Variants in ALG5 observed in about 807,000 individuals in gnomAD.
ALG5 encodes the protein dolichyl-phosphate beta-glucosyltransferase.
ALG5 carries 26 observed loss-of-function variants against 51.8 expected under a neutral mutation model. The observed-to-expected ratio is 0.50, with a 90% CI of 0.37 to 0.70. The LOEUF is 0.70. Among genes scored for constraint, ALG5 ranks in the 30% least tolerant of loss-of-function variants. The pLI, the probability that ALG5 is intolerant of heterozygous loss-of-function variation, is 0.00. For missense variants in ALG5, 311 were observed against 399.3 expected (o/e 0.78, Z 1.88); for synonymous variants, 141 against 136.1 (o/e 1.04, Z -0.25).
chr13:36,996,537 T>C (rs985741629), intron 1 of ALG5, among the ~76,000 whole-genome samples: 2 of 152,096 alleles, frequency 1.3e-5, no homozygotes, highest in African/African-American at 4.8e-5. Context: ...CAGTGGCCTA[T>C]GATGCAAGAA....
At chr13:36,971,406 G>A (rs1159024357) in intron 7 of ALG5, among the ~76,000 whole-genome samples, 1 of 152,082 alleles carries the variant, frequency 6.6e-6, no homozygotes, top group Non-Finnish European at 1.5e-5. Context: ...TAGTACTTTG[G>A]GAGGCTGAGG....
chr13:36,963,191 T>C (rs926097387), intron 8 of ALG5, among the ~76,000 whole-genome samples: 36 of 152,130 alleles, frequency 2.4e-4, no homozygotes, highest in Non-Finnish European at 4.4e-4. Flanking sequence ...CCTCAAGTGA[T>C]CCTCCCCACC....
chr13:36,971,958 C>A lies in ALG5; in HGVS notation c.621+19G>T, dbSNP rs775477289. The stretch of plus-strand genomic sequence containing the variant: ...AAGCCAATTAATTGGCTGTCCCATG[C>A]CAATTAATGAAGTCTCACCTGAGCA... On this transcript the variant is annotated intron_variant, in intron 7 of 9. Transcript: ENST00000239891. The A allele has an allele frequency of 8.2e-6, 13 of 1,590,842 alleles. No homozygotes were observed. Among genetic ancestry groups the A allele is most frequent in the Admixed American group, 5.1e-5 (3 of 58,314 alleles).
intron 8 of ALG5, among the ~76,000 whole-genome samples, chr13:36,961,800 G>C (rs1045320611): frequency 6.6e-6 from 1 of 151,150 alleles, no homozygotes; most frequent in African/African-American, 2.4e-5. Context: ...GTCTTTTTTT[G>C]AGACAGAGTT....
At chr13:36,962,791 G>A (rs992270171) in intron 8 of ALG5, among the ~76,000 whole-genome samples, 9 of 152,182 alleles carry the variant, frequency 5.9e-5, no homozygotes, top group African/African-American at 1.9e-4. Flanking sequence ...TGAGGATACT[G>A]AGCACTTGAA....
intron 1 of ALG5, 58 bp downstream of exon 1, chr13:36,999,177 G>T: frequency 7.0e-7 from 1 of 1,419,356 alleles, no homozygotes; most frequent in Non-Finnish European, 9.4e-7. Flanking sequence ...CTGAGGAGCC[G>T]CAGTCTCCAG....
intron 8 of ALG5, among the ~76,000 whole-genome samples, chr13:36,953,553 G>C (rs954790336): frequency 2.0e-5 from 3 of 152,184 alleles, no homozygotes; most frequent in Non-Finnish European, 4.4e-5. Context: ...CTTCATCCAT[G>C]AGTCAGTCCC....
In ALG5 at chr13:36,965,015, A is replaced by G. The variant is rs149832732; in HGVS notation, c.773+560T>C. On this transcript the variant is annotated intron_variant, in intron 8 of 9. Transcript: ENST00000239891. ...AAGCAAGAAAACAAAGCCAGTGAAT[A>G]TAAAACACTTTTTCAAGAGAAGGTT... Among the ~76,000 whole-genome samples, 692 of 152,240 alleles carry G rather than the reference A, an allele frequency of 4.5e-3. 7 individuals carry two copies. The highest frequency in any genetic ancestry group is 0.016 in the African/African-American group (672 of 41,532).
In ALG5 at chr13:36,995,579, A is replaced by G. The variant is rs1328703999; in HGVS notation, c.84T>C (p.Phe28=). ...AALVLISIVA[F]TTATKMPALH... ...GTGCTGGCATTTTTGTAGCAGTTGT[A>G]AATGCAACGATGGAAATCTAAAAGC... The change falls in exon 2 of 10, where the codon TTT becomes TTC. Residue 28 remains phenylalanine (F), a synonymous_variant. Transcript: ENST00000239891. 1.2e-6 allele frequency: 2 copies of G among 1,600,504 alleles called. No homozygotes were observed. The highest frequency in any genetic ancestry group is 1.7e-4 in the Middle Eastern group (1 of 6,032).
Position 36,985,623 on chromosome 13 carries a change from T to C in ALG5, c.561+4A>G. The C allele has an allele frequency of 6.2e-7, 1 of 1,606,392 alleles. No homozygotes were observed. The highest frequency in any genetic ancestry group is 2.2e-5 in the East Asian group (1 of 44,806). ...TGTTATTTAAACTACATTCTTATAC[T>C]CACAGGCCAAGGCTGTAGATCATTT... On this transcript the variant is annotated splice_donor_region_variant and intron_variant, in intron 6 of 9. Coordinates refer to ENST00000239891, the MANE Select transcript of ALG5 (RefSeq NM_013338.5).
At chr13:36,990,037 G>A (rs1292872336) in intron 4 of ALG5, among the ~76,000 whole-genome samples, 1 of 152,030 alleles carries the variant, frequency 6.6e-6, no homozygotes, top group African/African-American at 2.4e-5. Flanking sequence ...CATTTCTCCC[G>A]AATCTTTTCA....
At chr13:36,964,613 T>C (rs1026465093) in intron 8 of ALG5, among the ~76,000 whole-genome samples, 1 of 152,172 alleles carries the variant, frequency 6.6e-6, no homozygotes. Context: ...ACATGACCAC[T>C]GGCTTCAATG....
intron 6 of ALG5, among the ~76,000 whole-genome samples, chr13:36,981,281 G>C (rs80149688): frequency 0.026 from 3,928 of 151,734 alleles, 117 homozygotes; most frequent in African/African-American, 0.075. Context: ...ACTGTAAAAC[G>C]TACTAAAGAA....
chr13:36,982,463 C>A (rs2058984350), intron 6 of ALG5, among the ~76,000 whole-genome samples: 1 of 152,176 alleles, frequency 6.6e-6, no homozygotes, highest in African/African-American at 2.4e-5. Context: ...ATCTGATCTG[C>A]TGCTTATTTG....
intron 6 of ALG5, among the ~76,000 whole-genome samples, chr13:36,975,109 G>A (rs2058944273): frequency 1.3e-5 from 2 of 152,268 alleles, no homozygotes; most frequent in East Asian, 3.9e-4. Flanking sequence ...CACTTGGGAG[G>A]TTGCGGCAGG....
At chr13:36,974,003 T>C (rs749154380) in intron 6 of ALG5, among the ~76,000 whole-genome samples, 3 of 152,208 alleles carry the variant, frequency 2.0e-5, no homozygotes, top group Admixed American at 1.3e-4. Context: ...TACTTGCATA[T>C]GTGTAAAATG....
At chr13:36,962,504 A>G (rs1293719726) in intron 8 of ALG5, among the ~76,000 whole-genome samples, 1 of 152,142 alleles carries the variant, frequency 6.6e-6, no homozygotes, top group Non-Finnish European at 1.5e-5. Flanking sequence ...AATTAAAACA[A>G]AAAACAAACC....
rs932052718 is a variant in ALG5 at position 36,986,939 on chromosome 13, C to T, written c.448-1199G>A. Reference sequence around the variant, plus strand: ...GTTTAAGCCTACTTTCCTGTTCTACCGTCTATGGCCTTCACTTTGCTGCAG... The same window carrying T: ...GTTTAAGCCTACTTTCCTGTTCTACTGTCTATGGCCTTCACTTTGCTGCAG... On this transcript the variant is annotated intron_variant, in intron 5 of 9. Transcript: ENST00000239891. Among the ~76,000 whole-genome samples, 11 of 152,212 alleles carry T rather than the reference C, an allele frequency of 7.2e-5. 1 individual carries two copies. Among genetic ancestry groups the T allele is most frequent in the African/African-American group, 2.6e-4 (11 of 41,532 alleles).
At chr13:36,958,911 G>A (rs1251018944) in intron 8 of ALG5, among the ~76,000 whole-genome samples, 1 of 151,976 alleles carries the variant, frequency 6.6e-6, no homozygotes, top group Admixed American at 6.6e-5. Context: ...AGCAGGAAGT[G>A]GCAACCCCCT....
Sources: allele counts gnomAD v4.1 joint callset (sites outside exome capture counted in the v4.1 genomes callset), GRCh38; gene constraint gnomAD v4.1.1; transcripts MANE v1.5; gene names NCBI Gene and HGNC (gene_info 2026-07-23, HGNC 2026-07-21).